Variants in RTTN observed in about 807,000 individuals in gnomAD.
The protein encoded by RTTN is rotatin.
RTTN carries 182 observed loss-of-function variants against 269.2 expected under a neutral mutation model. That is an observed-to-expected ratio of 0.68 (90% confidence interval 0.60 to 0.76). The LOEUF (loss-of-function observed/expected upper bound fraction) is 0.76, where lower values mean the gene tolerates loss of function less well. Ranked by LOEUF, RTTN falls within the 30% of genes least tolerant of loss-of-function variation. RTTN has a pLI of 0.00. For missense variants in RTTN, 2,545 were observed against 2,608.6 expected, an observed-to-expected ratio of 0.98 and a Z score of 0.53; for synonymous variants, 1,006 against 963.5, an observed-to-expected ratio of 1.04 and a Z score of -0.82.
At chr18:70,164,414 A>G (rs961119274) in intron 14 of RTTN, among the ~76,000 whole-genome samples, 4 of 150,358 alleles carry the variant, frequency 2.7e-5, no homozygotes, top group Non-Finnish European at 4.4e-5. Context: ...GGATTTCCCT[A>G]TGTTGCCCAG....
intron 9 of RTTN, 120 bp downstream of exon 9, chr18:70,190,418 A>G (rs879449515): frequency 3.3e-6 from 2 of 600,808 alleles, no homozygotes; most frequent in Non-Finnish European, 5.4e-6. Context: ...TTTATATCCC[A>G]AAAGATAAGT....
chr18:70,067,196 G>A (rs1282870845), intron 34 of RTTN, among the ~76,000 whole-genome samples: 1 of 143,448 alleles, frequency 7.0e-6, no homozygotes, highest in Non-Finnish European at 1.5e-5. Context: ...GTCTCACTCT[G>A]TTGCCCAGGC....
At chr18:70,150,561 G>A (rs1197827942) in intron 15 of RTTN, 47 bp downstream of exon 15, 1 of 1,573,308 alleles carries the variant, frequency 6.4e-7, no homozygotes. Flanking sequence ...TGATTTAGCT[G>A]AGTATCTAAG....
At chr18:70,074,297 A>T (rs1242029902) in intron 33 of RTTN, among the ~76,000 whole-genome samples, 1 of 152,136 alleles carries the variant, frequency 6.6e-6, no homozygotes, top group Non-Finnish European at 1.5e-5. Flanking sequence ...TTCACAGAAG[A>T]TGCCAATGCT....
In RTTN at chr18:70,088,160, A is replaced by C. The variant is rs917081051; in HGVS notation, c.4144-13T>G. ...AAGTGAATCTCACCTGTTCAAATTA[A>C]AGAGAAAGTTGTTGAATCAAATAAG... On this transcript the variant is annotated splice_polypyrimidine_tract_variant and intron_variant, in intron 30 of 48. Transcript: ENST00000640769. The C allele has an allele frequency of 6.3e-7, 1 of 1,591,002 alleles. No individual in the cohort carries two copies. Among genetic ancestry groups the C allele is most frequent in the South Asian group, 1.1e-5 (1 of 87,338 alleles).
intron 48 of RTTN, among the ~76,000 whole-genome samples, 199 bp downstream of exon 48, chr18:70,004,999 A>T (rs2056138895): frequency 6.6e-6 from 1 of 152,226 alleles, no homozygotes; most frequent in Admixed American, 6.5e-5. Context: ...TCACAGATGC[A>T]TTTTTAGAAG....
Position 70,149,005 on chromosome 18 carries a change from G to A in RTTN, c.2205C>T (p.Asn735=), listed in dbSNP as rs2060468515. Residue 735 remains asparagine, a synonymous_variant, in exon 17 of 49, where the codon AAC becomes AAT. Coordinates refer to ENST00000640769, the MANE Select transcript of RTTN (RefSeq NM_173630.4). The part of the protein sequence containing the change: ...GYADTEDPLG[N]CILLLSKASS... ...TTGCTTTGCTTAGAAGGAGAATGCA[G>A]TTACCCAGAGGATCTTCTGTGTCGG... 6.2e-7 allele frequency: 1 copy of A among 1,613,420 alleles called. No homozygotes were observed. The highest frequency in any genetic ancestry group is 8.5e-7 in the Non-Finnish European group (1 of 1,179,534).
chr18:70,055,811 CT>C (rs1395949120), intron 37 of RTTN, among the ~76,000 whole-genome samples: 1 of 152,124 alleles, frequency 6.6e-6, no homozygotes, highest in African/African-American at 2.4e-5. Flanking sequence ...TAAAGTAACT[CT>C]TTTTCTATGT....
At chr18:70,158,871 G>C (rs2060753647) in intron 14 of RTTN, among the ~76,000 whole-genome samples, 1 of 150,118 alleles carries the variant, frequency 6.7e-6, no homozygotes, top group African/African-American at 2.4e-5. Context: ...AATGATAAAG[G>C]GTTCAATTCA....
intron 32 of RTTN, among the ~76,000 whole-genome samples, chr18:70,085,856 T>C (rs2058687528): frequency 6.6e-6 from 1 of 152,104 alleles, no homozygotes; most frequent in Admixed American, 6.6e-5. Context: ...AGGTTATAAA[T>C]TACCTAACTG....
intron 48 of RTTN, 84 bp from the exon 49 acceptor site, chr18:70,004,320 A>G: frequency 2.5e-6 from 2 of 806,392 alleles, no homozygotes; most frequent in East Asian, 2.6e-5. Context: ...AAACAAATAC[A>G]TATGAACAGG....
At chr18:70,013,881 C>T (rs534433458) in intron 46 of RTTN, among the ~76,000 whole-genome samples, 93 of 152,300 alleles carry the variant, frequency 6.1e-4, no homozygotes, top group African/African-American at 2.2e-3. Flanking sequence ...CAAAGACTGT[C>T]TTGATATATC....
At chr18:70,098,396 C>T (rs765353377) in intron 28 of RTTN, among the ~76,000 whole-genome samples, 31 of 151,980 alleles carry the variant, frequency 2.0e-4, no homozygotes, top group Non-Finnish European at 4.6e-4. Flanking sequence ...AAAAACCATT[C>T]GAAAGGTCAC....
At chr18:70,041,346 C>T (rs188697914) in intron 40 of RTTN, among the ~76,000 whole-genome samples, 1 of 151,800 alleles carries the variant, frequency 6.6e-6, no homozygotes, top group African/African-American at 2.4e-5. Flanking sequence ...TTTATTCCCT[C>T]CTGAAATCCC....
chr18:70,125,758 TTAGA>T (rs1389383664), intron 25 of RTTN, among the ~76,000 whole-genome samples: 2 of 152,054 alleles, frequency 1.3e-5, no homozygotes, highest in Non-Finnish European at 2.9e-5. Context: ...TTGGTTCATC[TTAGA>T]TAATCAGTCA....
chr18:70,090,463 T>C (rs968442205), intron 30 of RTTN, among the ~76,000 whole-genome samples: 3 of 152,214 alleles, frequency 2.0e-5, no homozygotes, highest in Non-Finnish European at 4.4e-5. Flanking sequence ...CTCAGCCTTC[T>C]TGTATTGATG....
intron 35 of RTTN, among the ~76,000 whole-genome samples, chr18:70,064,291 T>C (rs961441700): frequency 7.6e-5 from 10 of 130,958 alleles, no homozygotes; most frequent in Non-Finnish European, 1.1e-4. Context: ...TGAGCCAAGA[T>C]TGCGCCACTG....
At chr18:70,007,222 C>T (rs1178189053) in intron 46 of RTTN, among the ~76,000 whole-genome samples, 1 of 152,194 alleles carries the variant, frequency 6.6e-6, no homozygotes, top group Non-Finnish European at 1.5e-5. Context: ...ACGGTGCATT[C>T]CGGCCCAGAT....
At chr18:70,191,299 C>T (rs1293607080) in intron 8 of RTTN, among the ~76,000 whole-genome samples, 2 of 151,974 alleles carry the variant, frequency 1.3e-5, no homozygotes, top group African/African-American at 4.8e-5. Flanking sequence ...TAGTAGGAAT[C>T]AATATTAGCA....
Sources: gnomAD v4.1 joint callset for allele counts (sites outside exome capture counted in the v4.1 genomes callset) on GRCh38, gnomAD v4.1.1 for gene constraint, MANE v1.5 for transcripts, NCBI Gene and HGNC (gene_info 2026-07-23, HGNC 2026-07-21) for gene names.